Variants in UPRT observed in about 807,000 individuals in gnomAD.
UPRT encodes uracil phosphoribosyltransferase homolog.
UPRT carries 5 observed loss-of-function variants against 22.6 expected under a neutral mutation model. The observed-to-expected ratio is 0.22, with a 90% CI of 0.12 to 0.47. The LOEUF is 0.47. UPRT is among the 20% of genes least tolerant of loss of function. UPRT has a pLI of 0.99. For missense variants in UPRT, 181 were observed against 239.9 expected (o/e 0.75, Z 1.62); for synonymous variants, 77 against 87.7 (o/e 0.88, Z 0.68).
chrX:75,253,869 G>A (rs957300115), intron 4 of UPRT, among the ~76,000 whole-genome samples: 3 of 112,072 alleles, frequency 2.7e-5, no homozygotes, highest in Non-Finnish European at 3.8e-5. Flanking sequence ...AATTTAGAGA[G>A]CTGAGCAAAA....
intron 4 of UPRT, among the ~76,000 whole-genome samples, chrX:75,255,501 C>T (rs940551439): frequency 9.9e-5 from 11 of 111,500 alleles, no homozygotes; most frequent in African/African-American, 3.6e-4. Flanking sequence ...AGGAATGCTA[C>T]CCCACATCTC....
intron 4 of UPRT, among the ~76,000 whole-genome samples, chrX:75,174,542 C>T (rs1260088992): frequency 2.7e-5 from 3 of 111,691 alleles, no homozygotes; most frequent in Non-Finnish European, 5.6e-5. Context: ...ATTTGAAAGG[C>T]GTTGTCTGAT....
intron 4 of UPRT, among the ~76,000 whole-genome samples, chrX:75,200,976 T>C (rs1483751629): frequency 3.6e-5 from 4 of 111,854 alleles, no homozygotes; most frequent in African/African-American, 1.3e-4. Context: ...AAAAAACCAA[T>C]CTGCCTATAG....
At chrX:75,229,339 T>C (rs924178433) in intron 4 of UPRT, among the ~76,000 whole-genome samples, 2 of 111,601 alleles carry the variant, frequency 1.8e-5, no homozygotes, top group African/African-American at 6.5e-5. Context: ...AAACAAACAG[T>C]AACAGGATCA....
At chrX:75,197,203 T>C (rs2082335248) in intron 4 of UPRT, among the ~76,000 whole-genome samples, 1 of 111,965 alleles carries the variant, frequency 8.9e-6, no homozygotes, top group South Asian at 3.7e-4. Flanking sequence ...AAATTTACAA[T>C]ACTTAATCAT....
At chrX:75,188,983 C>G (rs1232301113) in intron 4 of UPRT, among the ~76,000 whole-genome samples, 1 of 112,187 alleles carries the variant, frequency 8.9e-6, no homozygotes, top group Admixed American at 9.4e-5. Flanking sequence ...TCTTCTGCAT[C>G]GCGCACGCTG....
At chrX:75,248,027 C>A (rs910774336) in intron 4 of UPRT, among the ~76,000 whole-genome samples, 2 of 112,045 alleles carry the variant, frequency 1.8e-5, no homozygotes, top group Non-Finnish European at 3.8e-5. Context: ...GCAAAACTAA[C>A]AAACAGAAAG....
intron 5 of UPRT, among the ~76,000 whole-genome samples, chrX:75,300,351 T>C (rs958633074): frequency 5.4e-5 from 6 of 111,890 alleles, no homozygotes; most frequent in Admixed American, 2.9e-4. Flanking sequence ...ATACCTCATA[T>C]ACTAAATGAA....
intron 4 of UPRT, among the ~76,000 whole-genome samples, chrX:75,246,914 A>G (rs1360621393): frequency 1.8e-5 from 2 of 112,026 alleles, no homozygotes; most frequent in Admixed American, 9.5e-5. Context: ...TATTTTTAAA[A>G]TAATCACCTT....
chrX:75,288,367 G>T (rs1328500413), intron 1 of UPRT, among the ~76,000 whole-genome samples: 1 of 111,304 alleles, frequency 9.0e-6, no homozygotes, highest in Non-Finnish European at 1.9e-5. Flanking sequence ...ACAAAACCTG[G>T]CAAAGACACA....
intron 4 of UPRT, among the ~76,000 whole-genome samples, chrX:75,169,373 A>G (rs2082220820): frequency 8.9e-6 from 1 of 112,178 alleles, no homozygotes; most frequent in African/African-American, 3.2e-5. Context: ...CCATTAGTTG[A>G]CATTCCCACC....
intron 4 of UPRT, among the ~76,000 whole-genome samples, chrX:75,175,584 G>A (rs948125901): frequency 1.1e-4 from 12 of 111,702 alleles, no homozygotes; most frequent in Admixed American, 3.8e-4. Context: ...CGCTTGCCCC[G>A]GGCACCCTCA....
At chrX:75,233,530 C>G (rs751783278) in intron 4 of UPRT, among the ~76,000 whole-genome samples, 2,598 of 110,009 alleles carry the variant, frequency 0.024, 38 homozygotes, top group Non-Finnish European at 0.037. Flanking sequence ...GAAGGGCAGC[C>G]AGAGAGAAAG....
Position 75,215,680 on chromosome X carries a change from T to C in UPRT, c.-447+47801T>C, listed in dbSNP as rs12558017. 4.0e-3 allele frequency among the ~76,000 whole-genome samples: 442 copies of C among 111,619 alleles called. 2 individuals carry two copies. The highest frequency in any genetic ancestry group is 5.5e-3 in the Admixed American group (58 of 10,475). On this transcript the variant is annotated intron_variant, in intron 4 of 13. Transcript: ENST00000652605. Reference sequence around the variant, plus strand: ...ATCCAAAATAAATATATAATTTGACTAGCCCTATATCCATTACAGATATTA... The same window carrying C: ...ATCCAAAATAAATATATAATTTGACCAGCCCTATATCCATTACAGATATTA...
chrX:75,271,928 A>T (rs1350053614), upstream of UPRT, among the ~76,000 whole-genome samples: 6 of 111,673 alleles, frequency 5.4e-5, no homozygotes, highest in Non-Finnish European at 1.1e-4. Flanking sequence ...GATGCAAATT[A>T]AAACCACAAT....
In UPRT at chrX:75,251,825, C is replaced by CCGCA. The variant is rs2082531201; in HGVS notation, c.-446-39199_-446-39198insCGCA. Among the ~76,000 whole-genome samples the CCGCA allele has an allele frequency of 2.7e-5, 3 of 111,407 alleles. No homozygotes were observed. The South Asian group carries it at 1.1e-3, about 42-fold the overall frequency. On this transcript the variant is annotated intron_variant, in intron 4 of 13. Coordinates refer to the UPRT transcript ENST00000652605. ...GACTTCAAACTATACTACAAGGCTA[C>CCGCA]AGTAACCAAAACAGCATGGTACTGG...
chrX:75,264,030 G>C (rs2082577992), intron 4 of UPRT, among the ~76,000 whole-genome samples: 3 of 111,804 alleles, frequency 2.7e-5, no homozygotes, highest in African/African-American at 9.7e-5. Flanking sequence ...GATCAGTTTT[G>C]AGTGAGTTTC....
intron 4 of UPRT, among the ~76,000 whole-genome samples, chrX:75,233,486 A>C (rs1382096107): frequency 1.8e-5 from 2 of 110,454 alleles, no homozygotes; most frequent in Non-Finnish European, 3.8e-5. Context: ...TATAATTGTC[A>C]GATTCACCAA....
chrX:75,188,986 G>A (rs929666757), intron 4 of UPRT, among the ~76,000 whole-genome samples: 4 of 111,936 alleles, frequency 3.6e-5, no homozygotes, highest in African/African-American at 9.7e-5. Context: ...TCTGCATCGC[G>A]CACGCTGGGA....
Sources: gnomAD v4.1 joint callset for allele counts (sites outside exome capture counted in the v4.1 genomes callset) on GRCh38, gnomAD v4.1.1 for gene constraint, MANE v1.5 for transcripts, NCBI Gene and HGNC (gene_info 2026-07-23, HGNC 2026-07-21) for gene names.